Variants in LARP4B observed in about 807,000 individuals in gnomAD.
LARP4B encodes the protein La ribonucleoprotein 4B.
LARP4B carries 12 observed loss-of-function variants against 89.8 expected under a neutral mutation model. The observed-to-expected ratio is 0.13, with a 90% CI of 0.09 to 0.22. The LOEUF is 0.22. Among genes scored for constraint, LARP4B ranks in the 10% least tolerant of loss-of-function variants. LARP4B has a pLI of 1.00. For synonymous variants in LARP4B, 367 were observed against 363.3 expected (o/e 1.01, Z -0.12); for missense variants, 757 against 947.7 (o/e 0.80, Z 2.64).
At chr10:838,054 T>C (rs181336725) in intron 7 of LARP4B, among the ~76,000 whole-genome samples, 50 of 152,318 alleles carry the variant, frequency 3.3e-4, no homozygotes, top group Admixed American at 2.9e-3. Flanking sequence ...AGGAGCATCT[T>C]TTCAACAAGT....
In LARP4B at chr10:872,946, T is replaced by C. The variant is rs118176489; in HGVS notation, c.142-8676A>G. The C allele has an allele frequency of 9.6e-3, 8,168 of 850,698 alleles. 43 individuals carry two copies. The highest frequency in any genetic ancestry group is 0.018 in the Admixed American group (297 of 16,158). 52.7% of individuals were successfully genotyped at this position (850,698 alleles called of 1,614,324 possible). A position where few individuals can be genotyped will look rare whatever the true frequency, so the allele number is the denominator to read the frequency against. ...TGCCCAGACCCTGCGAAAATCCTTG[T>C]CCGCGCGCTAACGCCAGCTACACTG... On this transcript the variant is annotated intron_variant, in intron 3 of 17. Transcript: ENST00000316157.
intron 3 of LARP4B, among the ~76,000 whole-genome samples, chr10:876,998 C>A (rs1396608099): frequency 6.6e-6 from 1 of 152,204 alleles, no homozygotes; most frequent in African/African-American, 2.4e-5. Context: ...ACTGGGCCCA[C>A]TCAAGCAGCA....
At chr10:875,302 A>G (rs1296693192) in intron 3 of LARP4B, among the ~76,000 whole-genome samples, 3 of 152,190 alleles carry the variant, frequency 2.0e-5, no homozygotes, top group Non-Finnish European at 4.4e-5. Flanking sequence ...CAACACCGAC[A>G]TCTATTTCAA....
chr10:836,564 T>A, intron 7 of LARP4B, 58 bp from the exon 8 acceptor site: 1 of 1,102,748 alleles, frequency 9.1e-7, no homozygotes, highest in Non-Finnish European at 1.4e-6. Flanking sequence ...GATATGCCAG[T>A]GGAATGTGTT....
rs756945429 is a variant in LARP4B at position 810,641 on chromosome 10, C to A, written c.*2285G>T. The A allele has an allele frequency of 2.6e-5, 4 of 152,256 alleles. No homozygotes were observed. The highest frequency in any genetic ancestry group is 2.6e-4 in the Admixed American group (4 of 15,284). The allele number at this position is 152,256 out of a possible 1,614,324, so 9.4% of individuals were successfully genotyped here. On this transcript the variant is annotated 3_prime_UTR_variant, in exon 18 of 18. Coordinates refer to ENST00000316157, the MANE Select transcript of LARP4B (RefSeq NM_015155.3). ...TAAAAACCAAGGACTCACTGGCGGACGGGCAGGCCTTGTGTTTTGGGAATG... is the reference window on the plus strand; with the variant it reads ...TAAAAACCAAGGACTCACTGGCGGAAGGGCAGGCCTTGTGTTTTGGGAATG...
chr10:858,851 T>C (rs1051339494), intron 5 of LARP4B, among the ~76,000 whole-genome samples: 2 of 152,052 alleles, frequency 1.3e-5, no homozygotes, highest in African/African-American at 4.8e-5. Context: ...ATGACTACTA[T>C]CAAAAAAATC....
chr10:950,948 C>T, the LARP4B span, among the ~76,000 whole-genome samples: 1 of 151,786 alleles, frequency 6.6e-6, no homozygotes, highest in Non-Finnish European at 1.5e-5. Context: ...TAGGGGACAG[C>T]TTCTTTCCGT....
chr10:951,415 G>A, the LARP4B span, among the ~76,000 whole-genome samples: 12 of 152,046 alleles, frequency 7.9e-5, no homozygotes, highest in Non-Finnish European at 1.6e-4. Context: ...GGGCATGGTG[G>A]TGGGTGCCTG....
chr10:940,219 A>G, the LARP4B span, among the ~76,000 whole-genome samples: 3 of 151,828 alleles, frequency 2.0e-5, no homozygotes, highest in African/African-American at 7.3e-5. Context: ...GTTTCTCCAT[A>G]TTGGTCAGGC....
At chr10:921,330 T>C (rs12777021) in intron 1 of LARP4B, among the ~76,000 whole-genome samples, 19,310 of 152,192 alleles carry the variant, frequency 0.13, 1,606 homozygotes, top group Non-Finnish European at 0.19. Context: ...CAGCATTTAT[T>C]TGCCTTGCTC....
At chr10:882,580 G>T (rs1290944460) in intron 3 of LARP4B, among the ~76,000 whole-genome samples, 1 of 152,038 alleles carries the variant, frequency 6.6e-6, no homozygotes, top group Non-Finnish European at 1.5e-5. Flanking sequence ...GTAGGGACGG[G>T]GTTTCACCGT....
At chr10:826,134 C>T (rs539820406) in intron 11 of LARP4B, among the ~76,000 whole-genome samples, 19 of 152,372 alleles carry the variant, frequency 1.2e-4, no homozygotes, top group Admixed American at 1.0e-3. Context: ...AGAGGAAAGA[C>T]GTGGTCAAGA....
the LARP4B span, among the ~76,000 whole-genome samples, chr10:944,348 C>G: frequency 1.3e-5 from 2 of 152,108 alleles, no homozygotes; most frequent in African/African-American, 4.8e-5. Flanking sequence ...ACAGGGAGAA[C>G]CTGGACATCA....
At chr10:875,237 C>G (rs1835410834) in intron 3 of LARP4B, among the ~76,000 whole-genome samples, 2 of 152,194 alleles carry the variant, frequency 1.3e-5, no homozygotes, top group South Asian at 4.1e-4. Flanking sequence ...CATGTGTCAT[C>G]TCTGGCAAAT....
At chr10:977,582 G>A in the LARP4B span, among the ~76,000 whole-genome samples, 12 of 151,104 alleles carry the variant, frequency 7.9e-5, no homozygotes, top group East Asian at 1.5e-3. Flanking sequence ...AGATCCTCCC[G>A]CTTCAGCCTC....
the LARP4B span, among the ~76,000 whole-genome samples, chr10:984,435 C>A: frequency 6.6e-6 from 1 of 152,154 alleles, no homozygotes; most frequent in Non-Finnish European, 1.5e-5. Context: ...CTTTATGGAA[C>A]AGCAGAATGC....
intron 1 of LARP4B, among the ~76,000 whole-genome samples, chr10:922,661 C>T (rs920646515): frequency 1.1e-4 from 16 of 150,670 alleles, no homozygotes; most frequent in Admixed American, 3.3e-4. Context: ...GGCAACAGAA[C>T]GAGACCCCGT....
In LARP4B at chr10:892,933, CAG is replaced by C. The variant is rs1196312482; in HGVS notation, c.-39-7175_-39-7174del. On this transcript the variant is annotated intron_variant, in intron 1 of 17. Transcript: ENST00000316157. Reference sequence around the variant, plus strand: ...TTTTTTTTTTTTTTTTTTTTAAATACAGAGTCTTGCTCTGTCACCCAGGCTGG... The same window carrying C: ...TTTTTTTTTTTTTTTTTTTTAAATACAGTCTTGCTCTGTCACCCAGGCTGG... Among the ~76,000 whole-genome samples, 4 of 112,980 alleles carry C rather than the reference CAG, an allele frequency of 3.5e-5. No individual in the cohort carries two copies. The East Asian group carries it at 8.5e-4, about 24-fold the overall frequency. The allele number at this position is 112,980 out of a possible 152,430, so 74.1% of individuals were successfully genotyped here.
chr10:899,053 A>C (rs1433775704), intron 1 of LARP4B, among the ~76,000 whole-genome samples: 2 of 152,192 alleles, frequency 1.3e-5, no homozygotes, highest in African/African-American at 4.8e-5. Context: ...TCACTGCACC[A>C]ATGTACAGAT....
Sources: gnomAD v4.1 joint callset for allele counts (sites outside exome capture counted in the v4.1 genomes callset) on GRCh38, gnomAD v4.1.1 for gene constraint, MANE v1.5 for transcripts, NCBI Gene and HGNC (gene_info 2026-07-23, HGNC 2026-07-21) for gene names.